The following PRMT9 variants were observed in gnomAD, a reference collection of about 807,000 sequenced individuals.
The protein encoded by PRMT9 is protein arginine methyltransferase 9.
In PRMT9, 59 loss-of-function variants were observed where a neutral mutation model predicts 83.2. The observed-to-expected ratio is 0.71, with a 90% CI of 0.57 to 0.88. PRMT9 has a LOEUF of 0.88. Ranked by LOEUF, PRMT9 falls within the 40% of genes least tolerant of loss-of-function variation. PRMT9 has a pLI of 0.00. For missense variants in PRMT9, 947 were observed against 1,021.9 expected (o/e 0.93, Z 1.00); for synonymous variants, 333 against 353.2 (o/e 0.94, Z 0.64).
At chr4:147,649,417 A>T (rs919067025) in intron 9 of PRMT9, among the ~76,000 whole-genome samples, 3 of 152,138 alleles carry the variant, frequency 2.0e-5, no homozygotes, top group African/African-American at 4.8e-5. Flanking sequence ...ATGGTTTTTT[A>T]AAAAAACAAA....
chr4:147,673,552 C>A lies in PRMT9; in HGVS notation c.575+86G>T. ...AGATTATAAGAAATACTTTTAAATT[C>A]CAATGTTAAATTTTCCATATCTGGC... On this transcript the variant is annotated intron_variant, in intron 3 of 11. Coordinates refer to ENST00000322396, the MANE Select transcript of PRMT9 (RefSeq NM_138364.4). The A allele has an allele frequency of 3.4e-6, 3 of 882,564 alleles. No individual in the cohort carries two copies. The South Asian group carries it at 4.1e-5, about 12-fold the overall frequency. 54.7% of individuals were successfully genotyped at this position (882,564 alleles called of 1,614,324 possible).
chr4:147,640,092 A>T (rs55650679), intron 10 of PRMT9, among the ~76,000 whole-genome samples: 25,147 of 69,722 alleles, frequency 0.36, 9,582 homozygotes, highest in Admixed American at 0.46. Context: ...TTTTTTTTTA[A>T]TATAGGGTCT....
Position 147,654,350 on chromosome 4 carries a change from T to G in PRMT9, c.1547A>C (p.Gln516Pro). The G allele has an allele frequency of 6.2e-7, 1 of 1,614,196 alleles. No homozygotes were observed. Among genetic ancestry groups the G allele is most frequent in the Non-Finnish European group, 8.5e-7 (1 of 1,180,000 alleles). ...TTCTGTAGATTCCAATATACATGTC[T>G]GCTCTACAGCATCTGGTTTACTGGT... is the stretch of plus-strand genomic sequence containing the variant. ...LQTSKPDAVE[Q>P]TCILESTEIA... The change falls in exon 9 of 12, where the codon CAG becomes CCG. Residue 516 changes from glutamine to proline, a missense_variant. Gln to Pro is a moderately conservative substitution (Grantham distance 76). Coordinates refer to ENST00000322396, the MANE Select transcript of PRMT9 (RefSeq NM_138364.4).
Position 147,660,927 on chromosome 4 carries a change from T to C in PRMT9, c.1065A>G (p.Glu355=). ...ATCCTCCAGGAACTCGACTCATCTT[T>C]TCAGTTGTATAAGGTTCAATTGTTT... ...TEETIEPYTT[E]KMSRVPGGYL... The change falls in exon 7 of 12, where the codon GAA becomes GAG. Residue 355 remains glutamate, a synonymous_variant. Coordinates refer to ENST00000322396, the MANE Select transcript of PRMT9 (RefSeq NM_138364.4). 6.2e-7 allele frequency: 1 copy of C among 1,613,444 alleles called. No individual in the cohort carries two copies. The highest frequency in any genetic ancestry group is 1.1e-5 in the South Asian group (1 of 91,068).
At position 147,642,959 on chromosome 4, in the gene PRMT9, ATT is replaced by A; in HGVS notation, c.2046-21_2046-20del. On this transcript the variant is annotated intron_variant, in intron 9 of 11. Transcript: ENST00000322396. ...TAAACACCTAAGAAAAAAAGTACAT[ATT>A]TTAAAAAGCTCTTGGGGCAGGGCGA... is the stretch of plus-strand genomic sequence containing the variant. 1 of 1,612,704 alleles carries A rather than the reference ATT, an allele frequency of 6.2e-7. No individual in the cohort carries two copies.
chr4:147,664,645 G>A (rs1157753217), intron 6 of PRMT9, among the ~76,000 whole-genome samples: 2 of 152,086 alleles, frequency 1.3e-5, no homozygotes, highest in Admixed American at 6.6e-5. Flanking sequence ...TGGGGGATAG[G>A]GGCAAGGGGA....
intron 10 of PRMT9, 56 bp downstream of exon 10, chr4:147,642,731 A>T: frequency 7.0e-7 from 1 of 1,424,470 alleles, no homozygotes; most frequent in East Asian, 2.3e-5. Flanking sequence ...CTAAAGAGAG[A>T]GCGATGGTAG....
In PRMT9 at chr4:147,670,534, A is replaced by C. The variant is rs138129482; in HGVS notation, c.846+107T>G. 6 of 879,882 alleles carry C rather than the reference A, an allele frequency of 6.8e-6. No homozygotes were observed. The East Asian group carries it at 1.5e-4, about 22-fold the overall frequency. The allele number at this position is 879,882 out of a possible 1,614,324, so 54.5% of individuals were successfully genotyped here. ...AACCACACAGTATGTACACCTTGGCAATGGAAAATATATTTCATATTGTTT... is the reference window on the plus strand; with the variant it reads ...AACCACACAGTATGTACACCTTGGCCATGGAAAATATATTTCATATTGTTT... On this transcript the variant is annotated intron_variant, in intron 5 of 11. Transcript: ENST00000322396.
intron 6 of PRMT9, among the ~76,000 whole-genome samples, chr4:147,664,109 T>C (rs1416631019): frequency 6.6e-6 from 1 of 151,100 alleles, no homozygotes; most frequent in Non-Finnish European, 1.5e-5. Flanking sequence ...AGTCCAGGAG[T>C]TCAACACAGC....
intron 2 of PRMT9, 76 bp from the exon 3 acceptor site, chr4:147,673,950 T>C: frequency 8.3e-7 from 1 of 1,200,936 alleles, no homozygotes. Context: ...TTTATGCCAC[T>C]CACTTGGCCT....
rs1229581334 is a variant in PRMT9 at position 147,654,316 on chromosome 4, C to T, written c.1581G>A (p.Leu527=). The part of the protein sequence containing the change: ...TCILESTEIA[L]LNNIPYHEGF... ...CTTCATGATATGGGATGTTGTTAAGCAAAGCAATTTCTGTAGATTCCAATA... is the reference window on the plus strand; with the variant it reads ...CTTCATGATATGGGATGTTGTTAAGTAAAGCAATTTCTGTAGATTCCAATA... The change falls in exon 9 of 12, where the codon TTG becomes TTA. Residue 527 remains leucine (L), a synonymous_variant. Coordinates refer to ENST00000322396, the MANE Select transcript of PRMT9 (RefSeq NM_138364.4). 8 of 1,614,022 alleles carry T rather than the reference C, an allele frequency of 5.0e-6. No individual in the cohort carries two copies. The highest frequency in any genetic ancestry group is 5.9e-6 in the Non-Finnish European group (7 of 1,180,028).
At chr4:147,661,793 A>G (rs1220944585) in intron 6 of PRMT9, among the ~76,000 whole-genome samples, 1 of 149,132 alleles carries the variant, frequency 6.7e-6, no homozygotes, top group African/African-American at 2.4e-5. Flanking sequence ...CCATCTCAAA[A>G]AAAAAAAAAA....
Position 147,663,643 on chromosome 4 carries a change from G to A in PRMT9, c.954-2605C>T, listed in dbSNP as rs138928251. On this transcript the variant is annotated intron_variant, in intron 6 of 11. Coordinates refer to ENST00000322396, the MANE Select transcript of PRMT9 (RefSeq NM_138364.4). ...TGCCTCCCAAAGTCATGGTATTAAA[G>A]GCGTGAGTCACTGCGCCCAGCCAGA... is the stretch of plus-strand genomic sequence containing the variant. 3.4e-3 allele frequency among the ~76,000 whole-genome samples: 524 copies of A among 152,250 alleles called. 4 individuals carry two copies. The highest frequency in any genetic ancestry group is 0.012 in the African/African-American group (503 of 41,538).
chr4:147,683,300 C>A (rs143082612), intron 1 of PRMT9, among the ~76,000 whole-genome samples: 1 of 152,030 alleles, frequency 6.6e-6, no homozygotes, highest in Non-Finnish European at 1.5e-5. Flanking sequence ...AAATTTTAAA[C>A]GAGATGAAAG....
chr4:147,646,473 G>A (rs974841910), intron 9 of PRMT9, among the ~76,000 whole-genome samples: 51 of 152,208 alleles, frequency 3.4e-4, no homozygotes, highest in African/African-American at 9.2e-4. Flanking sequence ...GTTGGAGAAC[G>A]ATACCATGTG....
At chr4:147,682,321 A>T (rs768204689) in intron 1 of PRMT9, among the ~76,000 whole-genome samples, 1 of 152,280 alleles carries the variant, frequency 6.6e-6, no homozygotes, top group Non-Finnish European at 1.5e-5. Context: ...CTGTGATTAC[A>T]GGCATGCACC....
At chr4:147,680,763 G>T (rs1206257519) in intron 1 of PRMT9, among the ~76,000 whole-genome samples, 1 of 152,158 alleles carries the variant, frequency 6.6e-6, no homozygotes, top group East Asian at 1.9e-4. Context: ...ACTTTTGTCG[G>T]CTCCTGTGTT....
chr4:147,639,846 C>T (rs906779285), intron 10 of PRMT9, among the ~76,000 whole-genome samples: 2 of 152,090 alleles, frequency 1.3e-5, no homozygotes, highest in African/African-American at 4.8e-5. Flanking sequence ...TTGAAAGCAT[C>T]CAGCCTTTAT....
intron 8 of PRMT9, among the ~76,000 whole-genome samples, chr4:147,656,006 T>C (rs1289141159): frequency 6.6e-6 from 1 of 152,166 alleles, no homozygotes; most frequent in South Asian, 2.1e-4. Context: ...CCACTATCTC[T>C]AAGAATCCCT....
Sources: gnomAD v4.1 joint callset for allele counts (sites outside exome capture counted in the v4.1 genomes callset) on GRCh38, gnomAD v4.1.1 for gene constraint, MANE v1.5 for transcripts, NCBI Gene and HGNC (gene_info 2026-07-23, HGNC 2026-07-21) for gene names.